The following CSMD1 variants were observed in gnomAD, a reference collection of about 807,000 sequenced individuals.
CSMD1 encodes the protein CUB and sushi domain-containing protein 1.
In CSMD1, 213 loss-of-function variants were observed where a neutral mutation model predicts 417.5. That is an observed-to-expected ratio of 0.51 (90% CI 0.46 to 0.57). CSMD1 has a LOEUF of 0.57. Among genes scored for constraint, CSMD1 ranks in the 20% least tolerant of loss-of-function variants. The pLI, the probability that CSMD1 is intolerant of heterozygous loss-of-function variation, is 0.00. For missense variants in CSMD1, 6,923 were observed against 4,529.7 expected, an observed-to-expected ratio of 1.53 and a Z score of -15.17; for synonymous variants, 2,862 against 1,736.8, an observed-to-expected ratio of 1.65 and a Z score of -16.11.
At chr8:3,282,141 A>G (rs758337229) in intron 26 of CSMD1, among the ~76,000 whole-genome samples, 3 of 152,322 alleles carry the variant, frequency 2.0e-5, no homozygotes, top group East Asian at 3.9e-4. Flanking sequence ...CTTTACAGCA[A>G]TATGAAGATG....
At chr8:3,106,948 T>C (rs73504564) in intron 45 of CSMD1, 2 of 237,688 alleles carry the variant, frequency 8.4e-6, no homozygotes, top group Non-Finnish European at 1.6e-5. Flanking sequence ...AAAAGTAAAG[T>C]AGAAGCTATG....
At chr8:4,974,419 G>A (rs553435920) in intron 1 of CSMD1, among the ~76,000 whole-genome samples, 58 of 152,182 alleles carry the variant, frequency 3.8e-4, no homozygotes, top group African/African-American at 1.3e-3. Flanking sequence ...ATTTGGAGTT[G>A]AGATATATTT....
At chr8:4,806,842 T>A (rs1157680483) in intron 1 of CSMD1, among the ~76,000 whole-genome samples, 1 of 152,084 alleles carries the variant, frequency 6.6e-6, no homozygotes, top group Admixed American at 6.5e-5. Flanking sequence ...GATGAAGGTG[T>A]CATAAAAAAA....
intron 5 of CSMD1, among the ~76,000 whole-genome samples, chr8:3,947,483 A>T (rs1811310764): frequency 1.3e-5 from 2 of 152,104 alleles, no homozygotes; most frequent in Non-Finnish European, 2.9e-5. Context: ...TAATTTTTTA[A>T]TTTTTAGGTA....
intron 3 of CSMD1, among the ~76,000 whole-genome samples, chr8:4,282,938 A>T (rs1037360272): frequency 6.6e-6 from 1 of 152,234 alleles, no homozygotes; most frequent in African/African-American, 2.4e-5. Flanking sequence ...TTAATGTCAA[A>T]TCTGACCCTA....
chr8:4,225,802 T>C (rs914920006), intron 3 of CSMD1, among the ~76,000 whole-genome samples: 1 of 152,180 alleles, frequency 6.6e-6, no homozygotes, highest in Non-Finnish European at 1.5e-5. Context: ...AATATTTTAT[T>C]GCATGACATT....
At chr8:3,186,961 C>T (rs762739619) in intron 36 of CSMD1, among the ~76,000 whole-genome samples, 7 of 152,188 alleles carry the variant, frequency 4.6e-5, no homozygotes, top group Non-Finnish European at 7.3e-5. Flanking sequence ...AGGCTGGTCT[C>T]GAACTACTGA....
intron 29 of CSMD1, among the ~76,000 whole-genome samples, chr8:3,218,683 C>G (rs939972442): frequency 1.3e-5 from 2 of 151,818 alleles, no homozygotes; most frequent in Non-Finnish European, 2.9e-5. Flanking sequence ...ACCAGCCTGA[C>G]CAATATGATG....
chr8:4,625,214 G>C (rs1039462401), intron 2 of CSMD1, among the ~76,000 whole-genome samples: 1 of 151,976 alleles, frequency 6.6e-6, no homozygotes, highest in Non-Finnish European at 1.5e-5. Flanking sequence ...TACACAGCAC[G>C]TTCTCACCTT....
chr8:4,147,221 C>A (rs892207586), intron 3 of CSMD1, among the ~76,000 whole-genome samples: 10 of 152,090 alleles, frequency 6.6e-5, no homozygotes, highest in African/African-American at 2.4e-4. Flanking sequence ...AAAGAAAGCA[C>A]GCATGATTTG....
At chr8:4,356,787 C>G (rs760589603) in intron 3 of CSMD1, among the ~76,000 whole-genome samples, 7 of 152,174 alleles carry the variant, frequency 4.6e-5, no homozygotes, top group African/African-American at 1.2e-4. Flanking sequence ...TCAAAGCAGT[C>G]TTGCAGGCCC....
intron 41 of CSMD1, among the ~76,000 whole-genome samples, chr8:3,140,184 G>A (rs779975566): frequency 2.0e-5 from 3 of 152,246 alleles, no homozygotes; most frequent in African/African-American, 4.8e-5. Flanking sequence ...GATTACAGGC[G>A]TGAGGCCACC....
At chr8:4,488,038 G>A (rs989926168) in intron 2 of CSMD1, among the ~76,000 whole-genome samples, 3 of 152,196 alleles carry the variant, frequency 2.0e-5, no homozygotes, top group African/African-American at 7.2e-5. Flanking sequence ...AGTAGGTCAT[G>A]AGGATGGAGC....
chr8:4,057,868 G>C (rs1417287196), intron 3 of CSMD1, among the ~76,000 whole-genome samples: 1 of 152,114 alleles, frequency 6.6e-6, no homozygotes, highest in Non-Finnish European at 1.5e-5. Flanking sequence ...ATTTCTGCAG[G>C]CTGTGTTCTG....
intron 1 of CSMD1, among the ~76,000 whole-genome samples, chr8:4,913,072 A>G (rs1448933780): frequency 6.6e-6 from 1 of 152,154 alleles, no homozygotes; most frequent in African/African-American, 2.4e-5. Context: ...TACAGGGGTG[A>G]GCCCCCACAA....
In CSMD1 at chr8:3,871,144, C is replaced by T. The variant is rs146051265; in HGVS notation, c.819-117102G>A. ...TTTCAATTTTTTAAAACAAGTAATA[C>T]CTCACTCATCATACTTTTATTTGCC... On this transcript the variant is annotated intron_variant, in intron 5 of 69. Transcript: ENST00000635120. 2.1e-3 allele frequency among the ~76,000 whole-genome samples: 322 copies of T among 152,066 alleles called. 2 individuals are homozygous for T. The highest frequency in any genetic ancestry group is 7.5e-3 in the African/African-American group (313 of 41,544).
intron 17 of CSMD1, among the ~76,000 whole-genome samples, chr8:3,395,423 G>A (rs1563343670): frequency 6.6e-6 from 1 of 152,058 alleles, no homozygotes; most frequent in African/African-American, 2.4e-5. Flanking sequence ...TGTATTCCTA[G>A]GGGTGATTCC....
intron 3 of CSMD1, among the ~76,000 whole-genome samples, chr8:4,335,870 C>T (rs987652441): frequency 7.9e-5 from 12 of 151,946 alleles, no homozygotes; most frequent in Middle Eastern, 3.4e-3. Flanking sequence ...AACAGGGGGA[C>T]GAGAAAGTGG....
At chr8:4,371,655 T>G (rs988052512) in intron 3 of CSMD1, among the ~76,000 whole-genome samples, 10 of 152,238 alleles carry the variant, frequency 6.6e-5, no homozygotes, top group African/African-American at 2.4e-4. Flanking sequence ...TTCTTACGTC[T>G]TAAAGTTCTT....
Sources: allele counts gnomAD v4.1 joint callset (sites outside exome capture counted in the v4.1 genomes callset), GRCh38; gene constraint gnomAD v4.1.1; transcripts MANE v1.5; gene names NCBI Gene and HGNC (gene_info 2026-07-23, HGNC 2026-07-21).